SYNDIG1: variants seen among roughly 807,000 people sequenced by gnomAD.
SYNDIG1 encodes synapse differentiation-inducing gene protein 1.
A neutral mutation model predicts 19.4 loss-of-function variants in SYNDIG1; 9 were observed. The ratio of observed to expected loss-of-function variants is 0.46; its 90% CI spans 0.28 to 0.81. SYNDIG1 has a LOEUF of 0.81. Among genes scored for constraint, SYNDIG1 ranks in the 30% least tolerant of loss-of-function variants. SYNDIG1 has a pLI of 0.12. For missense variants in SYNDIG1, 311 were observed against 343.3 expected, an observed-to-expected ratio of 0.91 and a Z score of 0.74; for synonymous variants, 141 against 145.9, an observed-to-expected ratio of 0.97 and a Z score of 0.24.
intron 3 of SYNDIG1, among the ~76,000 whole-genome samples, chr20:24,615,344 G>C (rs945106453): frequency 6.6e-6 from 1 of 152,144 alleles, no homozygotes; most frequent in East Asian, 1.9e-4. Flanking sequence ...AATCCCTAAG[G>C]GGGTGATGAG....
intron 2 of SYNDIG1, among the ~76,000 whole-genome samples, chr20:24,561,447 C>T (rs2057944604): frequency 6.6e-6 from 1 of 151,972 alleles, no homozygotes; most frequent in South Asian, 2.1e-4. Flanking sequence ...CCAACCTCTG[C>T]TCTCAAGCAA....
chr20:24,499,304 C>T (rs547774976), intron 1 of SYNDIG1, among the ~76,000 whole-genome samples: 8 of 152,308 alleles, frequency 5.3e-5, no homozygotes, highest in Non-Finnish European at 7.3e-5. Context: ...GGGTTACAGG[C>T]GTGAGCCACT....
intron 1 of SYNDIG1, among the ~76,000 whole-genome samples, chr20:24,472,129 T>C (rs1256308841): frequency 6.6e-6 from 1 of 152,192 alleles, no homozygotes; most frequent in Admixed American, 6.5e-5. Flanking sequence ...ATAGGTGATA[T>C]TAAAATAAAA....
chr20:24,517,316 T>TAA (rs2056894398), intron 1 of SYNDIG1, among the ~76,000 whole-genome samples: 13 of 148,610 alleles, frequency 8.7e-5, no homozygotes, highest in Admixed American at 8.1e-4. Flanking sequence ...AAAAAATAAA[T>TAA]AAATAAATAT....
intron 2 of SYNDIG1, among the ~76,000 whole-genome samples, chr20:24,577,297 G>T (rs2058245462): frequency 1.3e-5 from 2 of 152,206 alleles, no homozygotes; most frequent in East Asian, 3.9e-4. Context: ...AAGAAGCCTG[G>T]TGCAGAGAGG....
intron 2 of SYNDIG1, among the ~76,000 whole-genome samples, chr20:24,575,617 G>A (rs922117836): frequency 6.6e-6 from 1 of 152,006 alleles, no homozygotes; most frequent in African/African-American, 2.4e-5. Context: ...AATTTATCTT[G>A]CGAGGTTAAT....
intron 2 of SYNDIG1, among the ~76,000 whole-genome samples, chr20:24,580,537 G>A (rs564199685): frequency 1.3e-5 from 2 of 152,152 alleles, no homozygotes; most frequent in African/African-American, 2.4e-5. Flanking sequence ...AGCCTCCCAA[G>A]TAGCTGAGAC....
At chr20:24,584,364 C>G (rs1401114279) in intron 2 of SYNDIG1, among the ~76,000 whole-genome samples, 1 of 152,250 alleles carries the variant, frequency 6.6e-6, no homozygotes, top group African/African-American at 2.4e-5. Flanking sequence ...AGTGAGAAGT[C>G]TCGTAATACA....
At chr20:24,524,512 G>A (rs2057075043) in intron 1 of SYNDIG1, among the ~76,000 whole-genome samples, 1 of 152,068 alleles carries the variant, frequency 6.6e-6, no homozygotes, top group Non-Finnish European at 1.5e-5. Flanking sequence ...GGGCGTGGTG[G>A]CGGGCGCCTG....
intron 1 of SYNDIG1, among the ~76,000 whole-genome samples, chr20:24,513,642 C>T (rs943861787): frequency 5.3e-5 from 8 of 152,164 alleles, no homozygotes; most frequent in Non-Finnish European, 8.8e-5. Flanking sequence ...ACCAAATCTA[C>T]GTCTTATTGG....
intron 3 of SYNDIG1, among the ~76,000 whole-genome samples, chr20:24,636,380 T>C (rs1480783906): frequency 6.6e-6 from 1 of 152,142 alleles, no homozygotes; most frequent in Non-Finnish European, 1.5e-5. Context: ...AGAACAGCTC[T>C]CTCTCCTGCA....
chr20:24,633,221 C>T (rs775682912), intron 3 of SYNDIG1, among the ~76,000 whole-genome samples: 33 of 152,140 alleles, frequency 2.2e-4, no homozygotes, highest in Non-Finnish European at 3.8e-4. Context: ...ATGTCCTGGC[C>T]GCAATCATTC....
intron 3 of SYNDIG1, among the ~76,000 whole-genome samples, chr20:24,656,716 C>G (rs62215327): frequency 6.6e-6 from 1 of 152,168 alleles, no homozygotes; most frequent in Non-Finnish European, 1.5e-5. Flanking sequence ...TCTGCGTGCT[C>G]GCACTTGAGC....
At chr20:24,560,456 G>A (rs140567421) in intron 2 of SYNDIG1, among the ~76,000 whole-genome samples, 1 of 152,008 alleles carries the variant, frequency 6.6e-6, no homozygotes, top group African/African-American at 2.4e-5. Context: ...CAAATCTGCT[G>A]TTGAGCCCCT....
At chr20:24,539,891 G>A (rs1350043664) in intron 1 of SYNDIG1, among the ~76,000 whole-genome samples, 1 of 152,076 alleles carries the variant, frequency 6.6e-6, no homozygotes, top group Non-Finnish European at 1.5e-5. Context: ...AAATTCTTCT[G>A]CCTCGGCCTC....
chr20:24,629,107 T>G (rs1464091232), intron 3 of SYNDIG1, among the ~76,000 whole-genome samples: 3 of 152,172 alleles, frequency 2.0e-5, no homozygotes, highest in Non-Finnish European at 4.4e-5. Context: ...AGGTGAATGC[T>G]CAGCTGAGAG....
intron 2 of SYNDIG1, among the ~76,000 whole-genome samples, chr20:24,564,227 A>G (rs2057999092): frequency 6.6e-6 from 1 of 152,202 alleles, no homozygotes; most frequent in African/African-American, 2.4e-5. Context: ...TGGTGATGAC[A>G]GTGTGTTGAT....
intron 1 of SYNDIG1, among the ~76,000 whole-genome samples, chr20:24,529,966 T>G (rs1845542363): frequency 0.03 from 44 of 1,484 alleles, no homozygotes; most frequent in African/African-American, 0.038. Context: ...GTGTTGGGAA[T>G]AATGATGGTG....
intron 1 of SYNDIG1, among the ~76,000 whole-genome samples, chr20:24,531,949 A>G (rs1600540062): frequency 6.6e-6 from 1 of 152,150 alleles, no homozygotes; most frequent in East Asian, 1.9e-4. Flanking sequence ...ATTTTCTTCC[A>G]TTGGTGGGTA....
Sources: gnomAD v4.1 joint callset for allele counts (sites outside exome capture counted in the v4.1 genomes callset) on GRCh38, gnomAD v4.1.1 for gene constraint, MANE v1.5 for transcripts, NCBI Gene and HGNC (gene_info 2026-07-23, HGNC 2026-07-21) for gene names.